RIMS1: variants seen among roughly 807,000 people sequenced by gnomAD.
The protein encoded by RIMS1 is regulating synaptic membrane exocytosis 1.
In RIMS1, 83 loss-of-function variants were observed where a neutral mutation model predicts 214.1. That is an observed-to-expected ratio of 0.39 (90% CI 0.32 to 0.47). The LOEUF (loss-of-function observed/expected upper bound fraction) is 0.47. Ranked by LOEUF, RIMS1 falls within the 20% of genes least tolerant of loss-of-function variation. The pLI is 0.99. For missense variants in RIMS1, 2,050 were observed against 2,161.8 expected, an observed-to-expected ratio of 0.95 and a Z score of 1.03; for synonymous variants, 793 against 786.8, an observed-to-expected ratio of 1.01 and a Z score of -0.13.
chr6:71,956,366 C>T (rs1791282348), intron 1 of RIMS1, among the ~76,000 whole-genome samples: 1 of 152,022 alleles, frequency 6.6e-6, no homozygotes, highest in Non-Finnish European at 1.5e-5. Flanking sequence ...TAAGTTGAAA[C>T]TTACAACCAA....
chr6:72,116,376 C>T (rs777683899), intron 4 of RIMS1, among the ~76,000 whole-genome samples: 25 of 151,974 alleles, frequency 1.6e-4, no homozygotes, highest in African/African-American at 4.8e-4. Flanking sequence ...TGTACAAAAA[C>T]GAGATGAAAG....
Position 71,993,792 on chromosome 6 carries a change from T to G in RIMS1, c.245+24729T>G, listed in dbSNP as rs574033502. 3.9e-5 allele frequency among the ~76,000 whole-genome samples: 6 copies of G among 152,346 alleles called. No individual in the cohort carries two copies. The East Asian group carries it at 1.2e-3, about 29-fold the overall frequency. On this transcript the variant is annotated intron_variant, in intron 2 of 33. Coordinates refer to ENST00000521978, the MANE Select transcript of RIMS1 (RefSeq NM_014989.7). The stretch of plus-strand genomic sequence containing the variant: ...GTATATAGGAGATTCTATCTAGATT[T>G]CATATAGTGGTAGGGGGCTATTTCC...
rs868834761 is a variant in RIMS1, at chr6:71,973,143, C to T, written c.245+4080C>T. ...CAGGCTGGTCTTGAACTCCTGACTT[C>T]GTGATCCGCCCACCTTGGCCTCCCA... On this transcript the variant is annotated intron_variant, in intron 2 of 33. Coordinates refer to ENST00000521978, the MANE Select transcript of RIMS1 (RefSeq NM_014989.7). Among the ~76,000 whole-genome samples the T allele has an allele frequency of 9.9e-5, 15 of 152,082 alleles. 1 individual carries two copies. The highest frequency in any genetic ancestry group is 5.9e-4 in the Admixed American group (9 of 15,286).
At chr6:72,294,008 GACA>G (rs2093762771) in intron 26 of RIMS1, among the ~76,000 whole-genome samples, 1 of 151,366 alleles carries the variant, frequency 6.6e-6, no homozygotes, top group Non-Finnish European at 1.5e-5. Context: ...TAAGAAATGT[GACA>G]ACAAGCATGT....
chr6:72,025,469 A>T (rs1280189947), intron 2 of RIMS1, among the ~76,000 whole-genome samples: 1 of 152,194 alleles, frequency 6.6e-6, no homozygotes, highest in Non-Finnish European at 1.5e-5. Context: ...AAATATTTAT[A>T]TATTGCTAGA....
intron 2 of RIMS1, among the ~76,000 whole-genome samples, chr6:72,007,697 T>C (rs1808362545): frequency 6.6e-6 from 1 of 152,190 alleles, no homozygotes; most frequent in Non-Finnish European, 1.5e-5. Flanking sequence ...CAGTAGCTGA[T>C]TTGATCAACT....
intron 2 of RIMS1, among the ~76,000 whole-genome samples, chr6:72,073,065 G>C (rs1253336805): frequency 6.6e-6 from 1 of 152,156 alleles, no homozygotes; most frequent in African/African-American, 2.4e-5. Context: ...GTTTTCAGAA[G>C]GGTATTTCGA....
chr6:72,331,429 A>T (rs2096654882), intron 28 of RIMS1, among the ~76,000 whole-genome samples: 1 of 151,826 alleles, frequency 6.6e-6, no homozygotes, highest in African/African-American at 2.4e-5. Flanking sequence ...ATGAGAAACC[A>T]CTGCTTTCTC....
intron 2 of RIMS1, among the ~76,000 whole-genome samples, chr6:71,977,653 G>A (rs1268327731): frequency 1.3e-5 from 2 of 152,122 alleles, no homozygotes; most frequent in Non-Finnish European, 2.9e-5. Flanking sequence ...CATTTAAAAA[G>A]AGACTTGAAA....
At chr6:72,386,836 C>G (rs2098613656) in intron 29 of RIMS1, among the ~76,000 whole-genome samples, 3 of 151,308 alleles carry the variant, frequency 2.0e-5, no homozygotes, top group Non-Finnish European at 2.9e-5. Context: ...CAGCTTCACG[C>G]CATTCTCCTG....
chr6:72,361,110 T>TC (rs1282835213), intron 29 of RIMS1, among the ~76,000 whole-genome samples: 1 of 132,286 alleles, frequency 7.6e-6, no homozygotes, highest in East Asian at 2.1e-4. Flanking sequence ...TTTTTTTTTT[T>TC]TTTTTTTTTT....
chr6:72,179,523 A>G, intron 4 of RIMS1, 52 bp from the exon 5 acceptor site: 5 of 1,333,738 alleles, frequency 3.7e-6, no homozygotes, highest in Non-Finnish European at 5.3e-6. Flanking sequence ...ATACTGAAAA[A>G]TTATTTCCAA....
At chr6:72,003,595 C>T (rs975421433) in intron 2 of RIMS1, among the ~76,000 whole-genome samples, 1 of 151,816 alleles carries the variant, frequency 6.6e-6, no homozygotes, top group Admixed American at 6.6e-5. Flanking sequence ...TACAATTTTG[C>T]TTGCAGGTGT....
intron 26 of RIMS1, among the ~76,000 whole-genome samples, chr6:72,303,520 T>G (rs1031248017): frequency 4.6e-5 from 7 of 151,496 alleles, no homozygotes; most frequent in African/African-American, 1.7e-4. Context: ...ATATTTATTT[T>G]TCTTATCTTG....
chr6:72,246,176 T>G (rs1054699116), intron 11 of RIMS1, among the ~76,000 whole-genome samples: 4 of 152,178 alleles, frequency 2.6e-5, no homozygotes, highest in African/African-American at 9.6e-5. Context: ...ACATTTATTG[T>G]GATACTGGAT....
intron 6 of RIMS1, among the ~76,000 whole-genome samples, chr6:72,187,120 C>T (rs890424370): frequency 8.0e-5 from 12 of 150,872 alleles, no homozygotes; most frequent in Non-Finnish European, 1.3e-4. Flanking sequence ...AGCGAGACCC[C>T]GTCAAGAAGG....
At chr6:71,896,555 A>G (rs1238039492) in intron 1 of RIMS1, among the ~76,000 whole-genome samples, 1 of 152,192 alleles carries the variant, frequency 6.6e-6, no homozygotes, top group African/African-American at 2.4e-5. Context: ...ATGCAATAGA[A>G]GAGAAATAAA....
intron 4 of RIMS1, among the ~76,000 whole-genome samples, chr6:72,137,086 T>C (rs1207868677): frequency 6.6e-6 from 1 of 152,048 alleles, no homozygotes; most frequent in Middle Eastern, 3.3e-3. Flanking sequence ...TAAAGTTGTA[T>C]ACCATAATGA....
At chr6:72,168,721 GTTTTT>G (rs5877314) in intron 4 of RIMS1, among the ~76,000 whole-genome samples, 10 of 101,194 alleles carry the variant, frequency 9.9e-5, no homozygotes, top group Non-Finnish European at 1.3e-4. Flanking sequence ...TAGTTTCAGG[GTTTTT>G]TTTTTTTTTT....
Sources: gnomAD v4.1 joint callset for allele counts (sites outside exome capture counted in the v4.1 genomes callset) on GRCh38, gnomAD v4.1.1 for gene constraint, MANE v1.5 for transcripts, NCBI Gene and HGNC (gene_info 2026-07-23, HGNC 2026-07-21) for gene names.